The following TGIF2 variants were observed in gnomAD, a reference collection of about 807,000 sequenced individuals.
The protein encoded by TGIF2 is homeobox protein TGIF2.
A neutral mutation model predicts 15.1 loss-of-function variants in TGIF2; 5 were observed. The ratio of observed to expected loss-of-function variants is 0.33; its 90% CI spans 0.17 to 0.70. The LOEUF (loss-of-function observed/expected upper bound fraction) is 0.70. Among genes scored for constraint, TGIF2 ranks in the 30% least tolerant of loss-of-function variants. The pLI is 0.67. For missense variants in TGIF2, 264 were observed against 302.5 expected (o/e 0.87, Z 0.94); for synonymous variants, 131 against 128.9 (o/e 1.02, Z -0.11).
intron 2 of TGIF2, among the ~76,000 whole-genome samples, chr20:36,584,572 G>A (rs1257890392): frequency 1.3e-5 from 2 of 149,566 alleles, no homozygotes; most frequent in Admixed American, 6.7e-5. Context: ...TTTTTGAGAC[G>A]GAGTCACTCT....
chr20:36,576,102 AAAGAAAG>A (rs2038424072), intron 1 of TGIF2, among the ~76,000 whole-genome samples: 2 of 143,550 alleles, frequency 1.4e-5, no homozygotes, highest in African/African-American at 5.3e-5. Flanking sequence ...AAAAAAAAAA[AAAGAAAG>A]AAAGAAAGAA....
At chr20:36,579,916 A>G (rs2038510205) in intron 2 of TGIF2, among the ~76,000 whole-genome samples, 1 of 152,124 alleles carries the variant, frequency 6.6e-6, no homozygotes, top group Admixed American at 6.6e-5. Context: ...TCCCCTTTGA[A>G]TCGCGCCTAT....
intron 2 of TGIF2, among the ~76,000 whole-genome samples, chr20:36,587,000 G>A (rs543944405): frequency 6.6e-5 from 10 of 152,198 alleles, no homozygotes; most frequent in Admixed American, 3.3e-4. Context: ...GGTAGAGACC[G>A]GCTTTCCGGT....
At position 36,592,520 on chromosome 20, in the gene TGIF2, CT is replaced by C. The variant is rs923535715; in HGVS notation, c.*1091del. The C allele has an allele frequency of 3.3e-5, 5 of 152,504 alleles. No homozygotes were observed. Among genetic ancestry groups the C allele is most frequent in the African/African-American group, 1.2e-4 (5 of 41,384 alleles). 9.4% of individuals were successfully genotyped at this position (152,504 alleles called of 1,614,324 possible). ...TGTCAGAAGCTCCCAGCACCTCCTA[CT>C]TGGGAGAAAAGTGAGCCATCTGCTG... On this transcript the variant is annotated 3_prime_UTR_variant, in exon 3 of 3. Transcript: ENST00000373872.
At chr20:36,573,582 A>C (rs1600762439), upstream of TGIF2, 1 of 145,576 alleles carries the variant, frequency 6.9e-6, no homozygotes, top group South Asian at 2.2e-4. Flanking sequence ...GGGGGAGGAG[A>C]GGGGATCTGA....
intron 2 of TGIF2, among the ~76,000 whole-genome samples, chr20:36,586,011 G>A (rs1282952246): frequency 6.6e-6 from 1 of 152,180 alleles, no homozygotes; most frequent in East Asian, 1.9e-4. Context: ...AGGGCTGTTG[G>A]GTGAGAAAGG....
Position 36,578,773 on chromosome 20 carries a change from C to A in TGIF2, c.-2C>A. The A allele has an allele frequency of 6.2e-7, 1 of 1,609,506 alleles. No homozygotes were observed. The highest frequency in any genetic ancestry group is 1.7e-5 in the Admixed American group (1 of 59,734). On this transcript the variant is annotated 5_prime_UTR_variant, in exon 2 of 3. Transcript: ENST00000373872. Reference sequence around the variant, plus strand: ...CAAGGTCCAGCCTAGCCCCTAGGCACCATGTCGGACAGTGATCTAGGTGAG... The same window carrying A: ...CAAGGTCCAGCCTAGCCCCTAGGCAACATGTCGGACAGTGATCTAGGTGAG...
intron 2 of TGIF2, among the ~76,000 whole-genome samples, chr20:36,582,147 A>C (rs1054766910): frequency 6.6e-6 from 1 of 152,030 alleles, no homozygotes; most frequent in Non-Finnish European, 1.5e-5. Context: ...AGGCAGGAGA[A>C]TCACTTTTGA....
intron 2 of TGIF2, among the ~76,000 whole-genome samples, chr20:36,584,189 A>G (rs1243001861): frequency 1.3e-5 from 2 of 152,172 alleles, no homozygotes; most frequent in Non-Finnish European, 2.9e-5. Flanking sequence ...ACCTCCCCAG[A>G]CCATTTTCCT....
rs760760889 is a variant in TGIF2, at chr20:36,591,629, G to A, written c.*198G>A. On this transcript the variant is annotated 3_prime_UTR_variant, in exon 3 of 3. Coordinates refer to ENST00000373872, the MANE Select transcript of TGIF2 (RefSeq NM_021809.7). This position sits in a 1 kb window ranked among gnomAD's most constrained non-coding sequence, Gnocchi z 5.3. ...GGCCCTCTCCTCTGCTGACTCTGCCGTTTCTCCAGGCCTCCGCTCAGTGAT... is the reference window on the plus strand; with the variant it reads ...GGCCCTCTCCTCTGCTGACTCTGCCATTTCTCCAGGCCTCCGCTCAGTGAT... 20 of 559,940 alleles carry A rather than the reference G, an allele frequency of 3.6e-5. No homozygotes were observed. Among genetic ancestry groups the A allele is most frequent in the East Asian group, 2.6e-4 (9 of 34,436 alleles). The allele number at this position is 559,940 out of a possible 1,614,324, so 34.7% of individuals were successfully genotyped here. A position where few individuals can be genotyped will look rare whatever the true frequency, so the allele number is the denominator to read the frequency against.
intron 1 of TGIF2, 98 bp from the exon 2 acceptor site, chr20:36,578,643 C>T (rs2038480436): frequency 1.5e-6 from 2 of 1,337,192 alleles, no homozygotes; most frequent in Admixed American, 5.1e-5. Flanking sequence ...TACCCCATTT[C>T]TGGTGTCCCA....
intron 1 of TGIF2, among the ~76,000 whole-genome samples, chr20:36,574,166 T>C (rs2038361213): frequency 6.7e-6 from 1 of 149,754 alleles, no homozygotes; most frequent in Non-Finnish European, 1.5e-5. Flanking sequence ...GAGTGACAGC[T>C]GGGGGTGGGG....
chr20:36,590,973 A>G lies in TGIF2; in HGVS notation c.256A>G (p.Lys86Glu), dbSNP rs1265532889. 1 of 1,548,554 alleles carries G rather than the reference A, an allele frequency of 6.5e-7. No individual in the cohort carries two copies. The highest frequency in any genetic ancestry group is 1.2e-5 in the South Asian group (1 of 83,218). The change falls in exon 3 of 3, where the codon AAA (lysine) becomes GAA (glutamate). Residue 86 changes from lysine (K) to glutamate (E), a missense_variant. Coordinates refer to ENST00000373872, the MANE Select transcript of TGIF2 (RefSeq NM_021809.7). ...CCCAGACATGCTTCGGAAGGATGGC[A>G]AAGACCCTAATCAGTTTACCATTTC... ...LLPDMLRKDG[K>E]DPNQFTISRR...
At position 36,592,234 on chromosome 20, in the gene TGIF2, G is replaced by A. The variant is rs1159654614; in HGVS notation, c.*803G>A. ...TGCCGCAGGCACAGAAGGGTAGAAA[G>A]CCACAGCAGGGGGCAGTCCAGCAGA... On this transcript the variant is annotated 3_prime_UTR_variant, in exon 3 of 3. Coordinates refer to ENST00000373872, the MANE Select transcript of TGIF2 (RefSeq NM_021809.7). 6.6e-6 allele frequency: 1 copy of A among 151,904 alleles called. No individual in the cohort carries two copies. Among genetic ancestry groups the A allele is most frequent in the African/African-American group, 2.4e-5 (1 of 41,306 alleles). 9.4% of individuals were successfully genotyped at this position (151,904 alleles called of 1,614,324 possible). A position where few individuals can be genotyped will look rare whatever the true frequency, so the allele number is the denominator to read the frequency against.
intron 2 of TGIF2, among the ~76,000 whole-genome samples, chr20:36,588,889 A>G (rs2038714051): frequency 1.3e-5 from 2 of 152,198 alleles, no homozygotes; most frequent in African/African-American, 2.4e-5. Context: ...ATGGTTTTCC[A>G]TGGTGCTCTG....
chr20:36,583,183 G>A (rs1475719168), intron 2 of TGIF2, among the ~76,000 whole-genome samples: 4 of 151,914 alleles, frequency 2.6e-5, no homozygotes, highest in Non-Finnish European at 5.9e-5. Context: ...AGGAGGCTAA[G>A]GTACAAGAGT....
chr20:36,574,444 G>C (rs1249833784), intron 1 of TGIF2: 5 of 149,076 alleles, frequency 3.4e-5, no homozygotes, highest in East Asian at 2.0e-4. Context: ...AGGGCTGGGG[G>C]GGGGGGGGCG....
intron 2 of TGIF2, among the ~76,000 whole-genome samples, chr20:36,581,215 T>C (rs975542491): frequency 6.6e-5 from 10 of 152,188 alleles, no homozygotes; most frequent in African/African-American, 2.4e-4. Context: ...ACAAAGTCTT[T>C]GGCTGATCCT....
At chr20:36,582,633 GAC>G (rs1049827233) in intron 2 of TGIF2, among the ~76,000 whole-genome samples, 1 of 152,196 alleles carries the variant, frequency 6.6e-6, no homozygotes, top group Non-Finnish European at 1.5e-5. Context: ...CCCTCAAGGT[GAC>G]ACATCCACAG....
Sources: gnomAD v4.1 joint callset for allele counts (sites outside exome capture counted in the v4.1 genomes callset) on GRCh38, gnomAD v4.1.1 for gene constraint, Gnocchi (gnomAD v3.1) non-coding constraint, MANE v1.5 for transcripts, NCBI Gene and HGNC (gene_info 2026-07-23, HGNC 2026-07-21) for gene names.